The following NKAIN2 variants were observed in gnomAD, a reference collection of about 807,000 sequenced individuals.
The protein encoded by NKAIN2 is sodium/potassium-transporting ATPase subunit beta-1-interacting protein 2.
NKAIN2 carries 14 observed loss-of-function variants against 32.6 expected under a neutral mutation model. The observed-to-expected ratio is 0.43, with a 90% CI of 0.28 to 0.67. The LOEUF is 0.67. NKAIN2 is among the 30% of genes least tolerant of loss of function. NKAIN2 has a pLI of 0.17. For synonymous variants in NKAIN2, 80 were observed against 87.2 expected, an observed-to-expected ratio of 0.92 and a Z score of 0.46; for missense variants, 198 against 258.3, an observed-to-expected ratio of 0.77 and a Z score of 1.60.
intron 1 of NKAIN2, among the ~76,000 whole-genome samples, chr6:124,157,268 T>TACACACACAC (rs869207926): frequency 1.1e-4 from 10 of 89,576 alleles, no homozygotes; most frequent in Non-Finnish European, 2.4e-4. Flanking sequence ...CACACACACA[T>TACACACACAC]ACACACACAC....
chr6:124,214,374 T>C (rs778326805), intron 1 of NKAIN2, among the ~76,000 whole-genome samples: 21 of 152,198 alleles, frequency 1.4e-4, no homozygotes, highest in Admixed American at 2.6e-4. Flanking sequence ...AAAATTTATT[T>C]GGAAGGAATT....
At chr6:124,689,568 C>A (rs1354691115) in intron 4 of NKAIN2, among the ~76,000 whole-genome samples, 2 of 151,954 alleles carry the variant, frequency 1.3e-5, no homozygotes, top group Admixed American at 6.6e-5. Context: ...TCTTATGTCA[C>A]CTTCTAGAAG....
At chr6:124,536,845 A>G (rs17051954) in intron 3 of NKAIN2, among the ~76,000 whole-genome samples, 4,152 of 152,340 alleles carry the variant, frequency 0.027, 196 homozygotes, top group East Asian at 0.16. Flanking sequence ...ACAATAAGGC[A>G]AAACATGTGA....
chr6:124,644,425 G>A (rs1188029601), intron 3 of NKAIN2, among the ~76,000 whole-genome samples: 1 of 143,338 alleles, frequency 7.0e-6, no homozygotes, highest in Non-Finnish European at 1.5e-5. Flanking sequence ...TTTTTTTTGA[G>A]ACATAGTCTC....
chr6:124,548,060 G>C (rs1229380465), intron 3 of NKAIN2, among the ~76,000 whole-genome samples: 1 of 152,034 alleles, frequency 6.6e-6, no homozygotes, highest in Non-Finnish European at 1.5e-5. Flanking sequence ...TCCTTGCCTG[G>C]GATATGAACC....
intron 1 of NKAIN2, among the ~76,000 whole-genome samples, chr6:123,968,747 A>T (rs1053795996): frequency 2.0e-5 from 3 of 152,210 alleles, no homozygotes; most frequent in Non-Finnish European, 4.4e-5. Flanking sequence ...TCTCTCTGGA[A>T]TGCCCCTGTT....
At chr6:124,161,458 A>G (rs953586894) in intron 1 of NKAIN2, among the ~76,000 whole-genome samples, 1 of 152,160 alleles carries the variant, frequency 6.6e-6, no homozygotes, top group Non-Finnish European at 1.5e-5. Context: ...TCAGGCATAT[A>G]TTGTTATTAT....
At chr6:124,661,320 T>C (rs1427007949) in intron 4 of NKAIN2, among the ~76,000 whole-genome samples, 3 of 152,246 alleles carry the variant, frequency 2.0e-5, no homozygotes, top group East Asian at 1.9e-4. Flanking sequence ...TCTTCCAGCA[T>C]ATCTGGCTTA....
At chr6:124,513,570 T>C (rs1778796322) in intron 3 of NKAIN2, among the ~76,000 whole-genome samples, 1 of 152,196 alleles carries the variant, frequency 6.6e-6, no homozygotes, top group Non-Finnish European at 1.5e-5. Context: ...AGTGTCATAC[T>C]ATGTGGGTTA....
intron 1 of NKAIN2, among the ~76,000 whole-genome samples, chr6:124,178,962 A>T (rs1346532567): frequency 2.0e-5 from 3 of 152,206 alleles, no homozygotes; most frequent in Non-Finnish European, 4.4e-5. Flanking sequence ...AGAATGTGTA[A>T]TTGTTTCAGA....
In NKAIN2 at chr6:124,723,647, C is replaced by T. The variant is rs140775230; in HGVS notation, c.474+65261C>T. Among the ~76,000 whole-genome samples the T allele has an allele frequency of 2.8e-3, 428 of 152,074 alleles. 3 individuals carry two copies. The highest frequency in any genetic ancestry group is 9.8e-3 in the African/African-American group (408 of 41,488). On this transcript the variant is annotated intron_variant, in intron 4 of 6. Transcript: ENST00000368417. ...AAAATGAAATTGTCCAAAATGACAG[C>T]GGGTAGGAACATAAACTGAACAGGA...
chr6:124,522,393 G>A (rs1779149927), intron 3 of NKAIN2, among the ~76,000 whole-genome samples: 1 of 152,142 alleles, frequency 6.6e-6, no homozygotes, highest in Admixed American at 6.5e-5. Flanking sequence ...ACTCCTTATA[G>A]GAGAATTTGG....
intron 4 of NKAIN2, among the ~76,000 whole-genome samples, chr6:124,779,659 A>T (rs545536191): frequency 1.3e-5 from 2 of 152,156 alleles, no homozygotes; most frequent in Non-Finnish European, 2.9e-5. Context: ...CTGCCACACC[A>T]GTGTGAACAA....
chr6:124,024,706 T>C (rs1162328350), intron 1 of NKAIN2, among the ~76,000 whole-genome samples: 1 of 152,108 alleles, frequency 6.6e-6, no homozygotes, highest in Non-Finnish European at 1.5e-5. Flanking sequence ...GTGCTTTTCC[T>C]GGCCAGGCGT....
At chr6:124,287,687 C>T (rs1315922545) in intron 2 of NKAIN2, among the ~76,000 whole-genome samples, 1 of 151,806 alleles carries the variant, frequency 6.6e-6, no homozygotes, top group Non-Finnish European at 1.5e-5. Flanking sequence ...ACAATGGCTC[C>T]CAGGAAAGCA....
intron 1 of NKAIN2, among the ~76,000 whole-genome samples, chr6:124,014,088 G>A (rs970200954): frequency 2.0e-5 from 3 of 152,102 alleles, no homozygotes; most frequent in African/African-American, 7.2e-5. Flanking sequence ...TATAATATAC[G>A]TATCCCCCTT....
chr6:124,515,716 C>T lies in NKAIN2; in HGVS notation c.274-142470C>T. ...ACTTCATTTTTCTTCGCTTTCTCTC[C>T]GTCTCGCTCTGTCGCCCAGGCTGGA... On this transcript the variant is annotated intron_variant, in intron 3 of 6. Transcript: ENST00000368417. Among the ~76,000 whole-genome samples the T allele has an allele frequency of 2.0e-3, 2 of 986 alleles. 1 individual carries two copies. Among genetic ancestry groups the T allele is most frequent in the Non-Finnish European group, 5.1e-3 (2 of 392 alleles). 0.6% of individuals were successfully genotyped at this position (986 alleles called of 152,430 possible). A position where few individuals can be genotyped will look rare whatever the true frequency, so the allele number is the denominator to read the frequency against.
At chr6:124,365,821 A>G (rs1161490876) in intron 3 of NKAIN2, among the ~76,000 whole-genome samples, 1 of 152,076 alleles carries the variant, frequency 6.6e-6, no homozygotes, top group Non-Finnish European at 1.5e-5. Context: ...ATTGTCTGAC[A>G]ACTATAGAAT....
intron 1 of NKAIN2, among the ~76,000 whole-genome samples, chr6:124,088,283 G>A (rs911416109): frequency 3.9e-5 from 6 of 151,948 alleles, no homozygotes; most frequent in African/African-American, 9.7e-5. Flanking sequence ...TTAGCCAGAT[G>A]TGGTGGTGTA....
Sources: allele counts gnomAD v4.1 joint callset (sites outside exome capture counted in the v4.1 genomes callset), GRCh38; gene constraint gnomAD v4.1.1; transcripts MANE v1.5; gene names NCBI Gene and HGNC (gene_info 2026-07-23, HGNC 2026-07-21).